The following ZFAND3 variants were observed in gnomAD, a reference collection of about 807,000 sequenced individuals.
The protein encoded by ZFAND3 is zinc finger AN1-type containing 3, also known as AN1-type zinc finger protein 3.
ZFAND3 carries 10 observed loss-of-function variants against 29.6 expected under a neutral mutation model. That is an observed-to-expected ratio of 0.34 (90% CI 0.21 to 0.57). ZFAND3 has a LOEUF of 0.57. ZFAND3 is among the 20% of genes least tolerant of loss of function. ZFAND3 has a pLI of 0.86. For synonymous variants in ZFAND3, 128 were observed against 112.6 expected, an observed-to-expected ratio of 1.14 and a Z score of -0.87; for missense variants, 230 against 304.5, an observed-to-expected ratio of 0.76 and a Z score of 1.82.
rs201370109 is a variant in ZFAND3 at position 37,875,835 on chromosome 6, T to TTA, written c.72-54123_72-54122insAT. Reference sequence around the variant, plus strand: ...AACCATGCCTGGTTAATTTTTGATTTTTTTTTTTTTTTATTGGTAAAGATG... The same window carrying TTA: ...AACCATGCCTGGTTAATTTTTGATTTTATTTTTTTTTTTTATTGGTAAAGATG... On this transcript the variant is annotated intron_variant, in intron 1 of 5. Coordinates refer to ENST00000287218, the MANE Select transcript of ZFAND3 (RefSeq NM_021943.3). Among the ~76,000 whole-genome samples the TTA allele has an allele frequency of 6.4e-5, 9 of 140,186 alleles. No individual in the cohort carries two copies. In the East Asian group the frequency reaches 1.1e-3, roughly 17 times the overall value. The allele number at this position is 140,186 out of a possible 152,430, so 92.0% of individuals were successfully genotyped here. A position where few individuals can be genotyped will look rare whatever the true frequency, so the allele number is the denominator to read the frequency against.
chr6:38,024,619 C>T (rs1763411968), intron 2 of ZFAND3, among the ~76,000 whole-genome samples: 1 of 152,094 alleles, frequency 6.6e-6, no homozygotes, highest in Non-Finnish European at 1.5e-5. Flanking sequence ...TATTACTCTG[C>T]CATGAAAAGG....
chr6:38,054,656 A>G (rs1764100339), intron 2 of ZFAND3, among the ~76,000 whole-genome samples: 1 of 152,210 alleles, frequency 6.6e-6, no homozygotes, highest in African/African-American at 2.4e-5. Context: ...GCTAGAAGAT[A>G]ATATTCATGA....
At chr6:37,983,343 C>CTTTTTTTTTTTT (rs70981516) in intron 2 of ZFAND3, among the ~76,000 whole-genome samples, 21 of 50,046 alleles carry the variant, frequency 4.2e-4, no homozygotes, top group African/African-American at 1.3e-3. Flanking sequence ...CAGTTTTTAT[C>CTTTTTTTTTTTT]TTTTTTTTTT....
chr6:37,938,869 G>A (rs1561940612), intron 2 of ZFAND3, among the ~76,000 whole-genome samples: 2 of 152,172 alleles, frequency 1.3e-5, no homozygotes, highest in South Asian at 4.1e-4. Flanking sequence ...CTTCTTTCAG[G>A]CCTCAAGTGG....
intron 5 of ZFAND3, among the ~76,000 whole-genome samples, chr6:38,149,872 C>T (rs1048475070): frequency 2.6e-5 from 4 of 152,206 alleles, no homozygotes; most frequent in Non-Finnish European, 5.9e-5. Flanking sequence ...CCTTCTGAAT[C>T]ATCCCAATAT....
At chr6:37,960,206 C>A (rs1762171226) in intron 2 of ZFAND3, among the ~76,000 whole-genome samples, 1 of 152,174 alleles carries the variant, frequency 6.6e-6, no homozygotes. Flanking sequence ...AATAGTAAAA[C>A]CACACTGAGC....
At chr6:37,942,295 G>A (rs931597587) in intron 2 of ZFAND3, among the ~76,000 whole-genome samples, 1 of 150,784 alleles carries the variant, frequency 6.6e-6, no homozygotes, top group East Asian at 1.9e-4. Flanking sequence ...GAAAAGAAGG[G>A]TAAAGTTTAC....
chr6:38,066,367 C>T (rs535951183), intron 3 of ZFAND3, among the ~76,000 whole-genome samples: 4 of 152,232 alleles, frequency 2.6e-5, no homozygotes, highest in Non-Finnish European at 5.9e-5. Context: ...CAAAGGATGG[C>T]GGAAGAGGCA....
At chr6:37,856,813 GTTTT>G (rs1467819054) in intron 1 of ZFAND3, among the ~76,000 whole-genome samples, 1 of 151,920 alleles carries the variant, frequency 6.6e-6, no homozygotes, top group Non-Finnish European at 1.5e-5. Context: ...TGTCCGTTTG[GTTTT>G]TTATTTTTAT....
chr6:37,865,154 GGAGA>G (rs1385441158), intron 1 of ZFAND3, among the ~76,000 whole-genome samples: 1 of 152,080 alleles, frequency 6.6e-6, no homozygotes, highest in Admixed American at 6.5e-5. Flanking sequence ...CTCCAGCCTG[GGAGA>G]CTGGGTGACA....
At chr6:37,881,966 G>C (rs1354950427) in intron 1 of ZFAND3, among the ~76,000 whole-genome samples, 1 of 152,132 alleles carries the variant, frequency 6.6e-6, no homozygotes, top group Non-Finnish European at 1.5e-5. Context: ...AGCTCAGCAT[G>C]TCGTCTGTGT....
chr6:38,078,469 C>A (rs1249544516), intron 3 of ZFAND3, among the ~76,000 whole-genome samples: 2 of 152,148 alleles, frequency 1.3e-5, no homozygotes, highest in Non-Finnish European at 2.9e-5. Context: ...TGAAAAAATT[C>A]AGTTAATTTG....
intron 5 of ZFAND3, among the ~76,000 whole-genome samples, chr6:38,140,778 A>C (rs1765934892): frequency 6.6e-6 from 1 of 152,214 alleles, no homozygotes; most frequent in Admixed American, 6.5e-5. Flanking sequence ...TACCTTCCAC[A>C]CAGGAGATTT....
intron 2 of ZFAND3, among the ~76,000 whole-genome samples, chr6:38,046,735 A>G (rs1763911254): frequency 6.6e-6 from 1 of 152,204 alleles, no homozygotes; most frequent in Non-Finnish European, 1.5e-5. Context: ...CAAAATTTTG[A>G]GTCAGGGTTA....
intron 2 of ZFAND3, among the ~76,000 whole-genome samples, chr6:38,043,156 G>A (rs1178804537): frequency 6.6e-6 from 1 of 152,038 alleles, no homozygotes; most frequent in Non-Finnish European, 1.5e-5. Flanking sequence ...TGTAGTGCAT[G>A]CTGATATTTC....
intron 1 of ZFAND3, among the ~76,000 whole-genome samples, chr6:37,867,060 A>G (rs188069171): frequency 6.6e-6 from 1 of 152,376 alleles, no homozygotes; most frequent in East Asian, 1.9e-4. Context: ...AAAAGGATAC[A>G]AAAGAGAATG....
At chr6:38,025,497 A>G (rs1423300521) in intron 2 of ZFAND3, among the ~76,000 whole-genome samples, 1 of 152,214 alleles carries the variant, frequency 6.6e-6, no homozygotes, top group East Asian at 1.9e-4. Flanking sequence ...AGTATACATG[A>G]AGATATTGAA....
chr6:38,026,072 C>A (rs1270918447), intron 2 of ZFAND3, among the ~76,000 whole-genome samples: 1 of 152,132 alleles, frequency 6.6e-6, no homozygotes, highest in African/African-American at 2.4e-5. Flanking sequence ...AAAGCTGTTA[C>A]AAAAATAACC....
intron 2 of ZFAND3, among the ~76,000 whole-genome samples, chr6:38,035,548 A>G (rs911351216): frequency 6.6e-6 from 1 of 152,228 alleles, no homozygotes; most frequent in African/African-American, 2.4e-5. Context: ...ATATTTAGAC[A>G]CTGACGAAAT....
Sources: gnomAD v4.1 joint callset for allele counts (sites outside exome capture counted in the v4.1 genomes callset) on GRCh38, gnomAD v4.1.1 for gene constraint, MANE v1.5 for transcripts, NCBI Gene and HGNC (gene_info 2026-07-23, HGNC 2026-07-21) for gene names.